PDSS2: variants seen among roughly 807,000 people sequenced by gnomAD.
PDSS2 encodes the protein all trans-polyprenyl-diphosphate synthase PDSS2.
In PDSS2, 31 loss-of-function variants were observed where a neutral mutation model predicts 44.5. The ratio of observed to expected loss-of-function variants is 0.70; its 90% confidence interval spans 0.52 to 0.94. PDSS2 has a LOEUF of 0.94. Ranked by LOEUF, PDSS2 falls within the 40% of genes least tolerant of loss-of-function variation. The pLI, the probability that PDSS2 is intolerant of heterozygous loss-of-function variation, is 0.00. For missense variants in PDSS2, 452 were observed against 482.2 expected (o/e 0.94, Z 0.59); for synonymous variants, 157 against 180.3 (o/e 0.87, Z 1.03).
At chr6:107,255,766 G>C (rs1774999131) in intron 3 of PDSS2, among the ~76,000 whole-genome samples, 1 of 151,972 alleles carries the variant, frequency 6.6e-6, no homozygotes, top group South Asian at 2.1e-4. Flanking sequence ...TTACACACAA[G>C]GTCTTCCAAA....
intron 1 of PDSS2, among the ~76,000 whole-genome samples, chr6:107,436,753 A>C (rs1488271459): frequency 6.6e-6 from 1 of 152,194 alleles, no homozygotes; most frequent in African/African-American, 2.4e-5. Context: ...GAAGTGATGA[A>C]TGTTTGAAAT....
chr6:107,349,261 T>C (rs1778355316), intron 1 of PDSS2, among the ~76,000 whole-genome samples: 1 of 151,708 alleles, frequency 6.6e-6, no homozygotes, highest in Non-Finnish European at 1.5e-5. Flanking sequence ...TGAAACCCCG[T>C]CTCTACTAAA....
At chr6:107,372,477 G>T (rs1362308672) in intron 1 of PDSS2, among the ~76,000 whole-genome samples, 2 of 152,048 alleles carry the variant, frequency 1.3e-5, no homozygotes, top group East Asian at 1.9e-4. Context: ...TTTTTGAGAC[G>T]GAGTCGCTCT....
chr6:107,449,791 A>T (rs933625891), intron 1 of PDSS2, among the ~76,000 whole-genome samples: 1 of 152,138 alleles, frequency 6.6e-6, no homozygotes, highest in Non-Finnish European at 1.5e-5. Context: ...AGCTGGTCTC[A>T]AACTCCTGGC....
chr6:107,427,345 G>A (rs539151558), intron 1 of PDSS2, among the ~76,000 whole-genome samples: 15 of 152,250 alleles, frequency 9.9e-5, no homozygotes, highest in Admixed American at 3.9e-4. Flanking sequence ...CCAGTCATGT[G>A]GAACTGTAAG....
intron 3 of PDSS2, among the ~76,000 whole-genome samples, chr6:107,247,254 C>T (rs75793191): frequency 2.6e-3 from 392 of 152,218 alleles, no homozygotes; most frequent in African/African-American, 9.1e-3. Flanking sequence ...GCATTGGTAA[C>T]GTGAAGAGGG....
At chr6:107,241,942 A>G (rs754841528) in intron 4 of PDSS2, among the ~76,000 whole-genome samples, 1 of 152,210 alleles carries the variant, frequency 6.6e-6, no homozygotes, top group Non-Finnish European at 1.5e-5. Context: ...AGATCCACAG[A>G]GGAGCCTCTC....
intron 7 of PDSS2, among the ~76,000 whole-genome samples, chr6:107,192,880 G>A (rs559774498): frequency 1.8e-4 from 28 of 152,266 alleles, no homozygotes; most frequent in East Asian, 1.9e-4. Flanking sequence ...AGGAGAGTGC[G>A]AGGTTCCAGG....
intron 7 of PDSS2, chr6:107,192,417 G>A: frequency 2.0e-6 from 1 of 493,224 alleles, no homozygotes; most frequent in South Asian, 1.5e-5. Flanking sequence ...CAAAGAAGAG[G>A]CAGTGAAGGA....
rs1236270228 is a variant in PDSS2, at chr6:107,154,668, G to A, written c.1151C>T (p.Ala384Val). The change falls in exon 8 of 8, where the codon GCC becomes GTC. Residue 384 changes from alanine to valine, a missense_variant. Transcript: ENST00000369037. Reference protein sequence around the residue: ...EALESFPPSEARSALENIVFA... With the variant: ...EALESFPPSEVRSALENIVFA... ...CACAATGTTTTCTAAAGCAGATCTGGCCTCCGAGGGAGGAAAGCTCTCCAG... is the reference window on the plus strand; with the variant it reads ...CACAATGTTTTCTAAAGCAGATCTGACCTCCGAGGGAGGAAAGCTCTCCAG... 1.2e-6 allele frequency: 2 copies of A among 1,614,122 alleles called. No homozygotes were observed. The highest frequency in any genetic ancestry group is 1.3e-5 in the African/African-American group (1 of 75,064).
At chr6:107,298,918 A>G (rs1776599769) in intron 2 of PDSS2, among the ~76,000 whole-genome samples, 1 of 152,110 alleles carries the variant, frequency 6.6e-6, no homozygotes, top group African/African-American at 2.4e-5. Flanking sequence ...GAGGCAGGCG[A>G]ATCGCCTGAG....
intron 4 of PDSS2, among the ~76,000 whole-genome samples, chr6:107,229,481 C>A (rs1481414760): frequency 6.6e-6 from 1 of 152,158 alleles, no homozygotes; most frequent in Non-Finnish European, 1.5e-5. Context: ...CTGTGCCCGG[C>A]CTCACTTTTC....
At chr6:107,373,248 G>C (rs190242467) in intron 1 of PDSS2, among the ~76,000 whole-genome samples, 4 of 152,140 alleles carry the variant, frequency 2.6e-5, no homozygotes, top group Non-Finnish European at 5.9e-5. Context: ...GACTCCCAAA[G>C]TGCTGAGATT....
chr6:107,188,739 T>C (rs1173817724), intron 7 of PDSS2, among the ~76,000 whole-genome samples: 1 of 152,122 alleles, frequency 6.6e-6, no homozygotes, highest in African/African-American at 2.4e-5. Flanking sequence ...ATGCATGATC[T>C]GGTTGTTTAA....
intron 2 of PDSS2, among the ~76,000 whole-genome samples, chr6:107,319,007 TACACACAC>T (rs139943860): frequency 6.8e-6 from 1 of 147,420 alleles, no homozygotes; most frequent in African/African-American, 2.5e-5. Flanking sequence ...TATATATATA[TACACACAC>T]ACACACACAC....
chr6:107,195,317 CAAAAAATAA>C (rs1772516699), intron 6 of PDSS2, among the ~76,000 whole-genome samples: 1 of 151,624 alleles, frequency 6.6e-6, no homozygotes, highest in South Asian at 2.1e-4. Flanking sequence ...TCCATCTCTA[CAAAAAATAA>C]AAAAAATTAG....
At chr6:107,230,475 G>A (rs934034026) in intron 4 of PDSS2, among the ~76,000 whole-genome samples, 1 of 152,110 alleles carries the variant, frequency 6.6e-6, no homozygotes, top group African/African-American at 2.4e-5. Flanking sequence ...TCTGACTCCA[G>A]TTTACTATTG....
chr6:107,304,482 A>G (rs1016710141), intron 2 of PDSS2, among the ~76,000 whole-genome samples: 1 of 152,232 alleles, frequency 6.6e-6, no homozygotes, highest in African/African-American at 2.4e-5. Flanking sequence ...AACTTAAAAG[A>G]GCAGATTCTA....
intron 4 of PDSS2, among the ~76,000 whole-genome samples, chr6:107,241,832 T>C (rs192263161): frequency 6.6e-6 from 1 of 152,292 alleles, no homozygotes; most frequent in Admixed American, 6.5e-5. Flanking sequence ...TTGTATCCTC[T>C]TACCCCTAGA....
Sources: allele counts gnomAD v4.1 joint callset (sites outside exome capture counted in the v4.1 genomes callset), GRCh38; gene constraint gnomAD v4.1.1; transcripts MANE v1.5; gene names NCBI Gene and HGNC (gene_info 2026-07-23, HGNC 2026-07-21).